The following MND1 variants were observed in gnomAD, a reference collection of about 807,000 sequenced individuals.
MND1 encodes meiotic nuclear division protein 1 homolog.
A neutral mutation model predicts 35.1 loss-of-function variants in MND1; 28 were observed. The ratio of observed to expected loss-of-function variants is 0.80; its 90% confidence interval spans 0.59 to 1.09. MND1 has a LOEUF of 1.09. Ranked by LOEUF, MND1 falls within the 50% of genes least tolerant of loss-of-function variation. The pLI is 0.00. For missense variants in MND1, 213 were observed against 239.6 expected (o/e 0.89, Z 0.73); for synonymous variants, 69 against 70.5 (o/e 0.98, Z 0.11).
intron 4 of MND1, among the ~76,000 whole-genome samples, chr4:153,371,067 A>G (rs924762485): frequency 1.3e-5 from 2 of 152,022 alleles, no homozygotes; most frequent in East Asian, 1.9e-4. Flanking sequence ...GACTAGGTAC[A>G]TTGTCATTGG....
chr4:153,382,653 C>T (rs1281429107), intron 4 of MND1, among the ~76,000 whole-genome samples: 2 of 152,186 alleles, frequency 1.3e-5, no homozygotes, highest in African/African-American at 4.8e-5. Context: ...AAATTTAAAT[C>T]TTTAAGTTAA....
chr4:153,382,722 T>G (rs1265508389), intron 4 of MND1, among the ~76,000 whole-genome samples: 1 of 152,194 alleles, frequency 6.6e-6, no homozygotes, highest in African/African-American at 2.4e-5. Context: ...AGCAAATAAT[T>G]TGTTTTATTT....
At chr4:153,366,378 G>T (rs1489161501) in intron 4 of MND1, among the ~76,000 whole-genome samples, 3 of 152,194 alleles carry the variant, frequency 2.0e-5, no homozygotes, top group Admixed American at 6.5e-5. Context: ...AGTTGTGGAT[G>T]AATTTTTTAA....
intron 4 of MND1, among the ~76,000 whole-genome samples, chr4:153,385,725 A>AG (rs1434778017): frequency 2.0e-5 from 3 of 151,438 alleles, no homozygotes; most frequent in African/African-American, 7.3e-5. Context: ...CAAAAAAAAA[A>AG]AAAAAAAAAG....
intron 6 of MND1, among the ~76,000 whole-genome samples, chr4:153,406,585 A>C (rs544190448): frequency 6.0e-4 from 91 of 152,294 alleles, no homozygotes; most frequent in Admixed American, 1.8e-3. Flanking sequence ...CCTGTATCTG[A>C]CAAGTGTCTA....
chr4:153,356,199 T>G (rs1229329986), intron 3 of MND1, among the ~76,000 whole-genome samples: 6 of 152,184 alleles, frequency 3.9e-5, no homozygotes, highest in Admixed American at 3.9e-4. Flanking sequence ...ACAGGCATCC[T>G]TCTACATATC....
chr4:153,410,775 G>C (rs1729659623), intron 7 of MND1, among the ~76,000 whole-genome samples: 1 of 152,176 alleles, frequency 6.6e-6, no homozygotes, highest in Non-Finnish European at 1.5e-5. Flanking sequence ...AGGATCACTT[G>C]AGGTCAGGAG....
At chr4:153,357,138 A>G (rs1213122345) in intron 3 of MND1, among the ~76,000 whole-genome samples, 1 of 151,952 alleles carries the variant, frequency 6.6e-6, no homozygotes, top group South Asian at 2.1e-4. Context: ...ATGCACATTG[A>G]TGTATTTTTT....
chr4:153,391,483 T>C (rs1296987135), intron 4 of MND1, among the ~76,000 whole-genome samples: 3 of 152,026 alleles, frequency 2.0e-5, no homozygotes, highest in Non-Finnish European at 4.4e-5. Flanking sequence ...CCCAGCACTT[T>C]GGGAGGCTGA....
intron 7 of MND1, among the ~76,000 whole-genome samples, chr4:153,414,285 C>CTT (rs72529287): frequency 4.7e-5 from 7 of 147,422 alleles, no homozygotes; most frequent in Admixed American, 4.1e-4. Context: ...TATTTAAATA[C>CTT]TTTTTTTTTT....
At chr4:153,361,735 G>T in intron 4 of MND1, 1 of 346,840 alleles carries the variant, frequency 2.9e-6, no homozygotes, top group South Asian at 2.2e-5. Context: ...CTACTGGGGA[G>T]GCTGGGGCAG....
intron 4 of MND1, among the ~76,000 whole-genome samples, chr4:153,383,281 G>A (rs1728758721): frequency 1.3e-5 from 2 of 152,160 alleles, no homozygotes; most frequent in South Asian, 4.1e-4. Context: ...ACCCAGGCTG[G>A]GAGGAAATTG....
rs537877281 is a variant in MND1, at chr4:153,399,790, C to T, written c.466+2457C>T. Among the ~76,000 whole-genome samples, 18 of 151,808 alleles carry T rather than the reference C, an allele frequency of 1.2e-4. No homozygotes were observed. In the South Asian group the frequency reaches 3.7e-3, roughly 32 times the overall value. On this transcript the variant is annotated intron_variant, in intron 6 of 7. Coordinates refer to ENST00000240488, the MANE Select transcript of MND1 (RefSeq NM_032117.4). ...ATAACTTTGGTAATTTATTTCCCAA[C>T]CCAAGGAAAACATGCCATTGTGAAT...
intron 4 of MND1, among the ~76,000 whole-genome samples, chr4:153,369,577 ATACTT>A (rs143780729): frequency 0.017 from 2,582 of 152,376 alleles, 51 homozygotes; most frequent in East Asian, 0.076. Flanking sequence ...TAATTTAAAA[ATACTT>A]TATTGCTAAA....
Position 153,397,245 on chromosome 4 carries a change from GC to G in MND1, c.379del (p.Leu127PhefsTer11), listed in dbSNP as rs1264127022. 2 of 1,612,318 alleles carry G rather than the reference GC, an allele frequency of 1.2e-6. No individual in the cohort carries two copies. Among genetic ancestry groups the G allele is most frequent in the Non-Finnish European group, 1.7e-6 (2 of 1,179,140 alleles). ...AAGAGCGAACCAGGCTAGCAAAAGAGCTTTCTTCACTTCGAGACCAAAGGGA... is the reference window on the plus strand; with the variant it reads ...AAGAGCGAACCAGGCTAGCAAAAGAGTTTCTTCACTTCGAGACCAAAGGGA... ...TEERTRLAKE[L>X]SSLRDQREQL... is the part of the protein sequence containing the mutation. On this transcript the variant is annotated frameshift_variant, in exon 6 of 8. Coordinates refer to ENST00000240488, the MANE Select transcript of MND1 (RefSeq NM_032117.4). LOFTEE classifies it high-confidence loss of function.
intron 4 of MND1, among the ~76,000 whole-genome samples, chr4:153,369,561 G>A (rs1773740689): frequency 6.6e-6 from 1 of 152,080 alleles, no homozygotes; most frequent in African/African-American, 2.4e-5. Context: ...AAAAACTAAT[G>A]TACATTAATT....
intron 4 of MND1, among the ~76,000 whole-genome samples, chr4:153,378,904 G>A (rs1728583830): frequency 6.6e-6 from 1 of 152,176 alleles, no homozygotes; most frequent in Non-Finnish European, 1.5e-5. Flanking sequence ...ATGTATAAGT[G>A]TCTATAGATT....
At chr4:153,374,038 T>C (rs1184172016) in intron 4 of MND1, among the ~76,000 whole-genome samples, 2 of 152,280 alleles carry the variant, frequency 1.3e-5, no homozygotes, top group African/African-American at 4.8e-5. Flanking sequence ...CTTGACCAGC[T>C]GTACAATATT....
At chr4:153,393,563 G>C (rs1225310036) in intron 4 of MND1, among the ~76,000 whole-genome samples, 3 of 151,760 alleles carry the variant, frequency 2.0e-5, no homozygotes, top group Non-Finnish European at 4.4e-5. Flanking sequence ...TGTATTTGTT[G>C]AGATGGGGTT....
Sources: allele counts gnomAD v4.1 joint callset (sites outside exome capture counted in the v4.1 genomes callset), GRCh38; gene constraint gnomAD v4.1.1; transcripts MANE v1.5; gene names NCBI Gene and HGNC (gene_info 2026-07-23, HGNC 2026-07-21).